TOX: variants seen among roughly 807,000 people sequenced by gnomAD.
TOX encodes the protein thymocyte selection associated high mobility group box, also known as thymocyte selection-associated high mobility group box protein TOX.
TOX carries 11 observed loss-of-function variants against 53.7 expected under a neutral mutation model. That is an observed-to-expected ratio of 0.20 (90% CI 0.13 to 0.34). The LOEUF (loss-of-function observed/expected upper bound fraction) is 0.34, where lower values mean the gene tolerates loss of function less well. TOX is among the 10% of genes least tolerant of loss of function. The probability of loss-of-function intolerance (pLI) is 1.00; values close to 1 mark genes in which losing one functional copy is unlikely to be tolerated. For missense variants in TOX, 570 were observed against 664.6 expected, an observed-to-expected ratio of 0.86 and a Z score of 1.56; for synonymous variants, 225 against 245.3, an observed-to-expected ratio of 0.92 and a Z score of 0.77.
chr8:58,849,899 C>A, intron 4 of TOX, among the ~76,000 whole-genome samples: 1 of 152,090 alleles, frequency 6.6e-6, no homozygotes, highest in East Asian at 1.9e-4. Flanking sequence ...TATTAGTGTT[C>A]ACATTTGGGT....
At chr8:59,104,268 T>G (rs1477182582) in intron 1 of TOX, among the ~76,000 whole-genome samples, 1 of 152,140 alleles carries the variant, frequency 6.6e-6, no homozygotes, top group Non-Finnish European at 1.5e-5. Context: ...TCACGCCCCT[T>G]AATCCTAAAC....
At chr8:59,091,263 A>G (rs1392170509) in intron 1 of TOX, among the ~76,000 whole-genome samples, 2 of 152,154 alleles carry the variant, frequency 1.3e-5, no homozygotes, top group Non-Finnish European at 2.9e-5. Context: ...TAATGTCCAT[A>G]GTGACAAATT....
At chr8:59,047,277 C>A (rs1803707317) in intron 1 of TOX, among the ~76,000 whole-genome samples, 1 of 132,200 alleles carries the variant, frequency 7.6e-6, no homozygotes, top group Non-Finnish European at 1.5e-5. Context: ...AGTGCAGTGG[C>A]ACGATCTCGG....
intron 1 of TOX, among the ~76,000 whole-genome samples, chr8:59,045,548 T>C (rs1221864881): frequency 6.6e-6 from 1 of 152,218 alleles, no homozygotes; most frequent in Non-Finnish European, 1.5e-5. Flanking sequence ...AGATGCATAG[T>C]AGTTTGGTCT....
intron 1 of TOX, among the ~76,000 whole-genome samples, chr8:59,047,181 T>C (rs1261175892): frequency 2.7e-5 from 4 of 150,086 alleles, no homozygotes; most frequent in Admixed American, 2.7e-4. Context: ...TTAGTTTTTA[T>C]TGAACAATTC....
At chr8:59,067,292 C>T (rs947563906) in intron 1 of TOX, among the ~76,000 whole-genome samples, 1 of 152,134 alleles carries the variant, frequency 6.6e-6, no homozygotes, top group Admixed American at 6.5e-5. Flanking sequence ...GGGGGCTCAC[C>T]CCCATAATCC....
chr8:59,067,117 A>AG (rs888477013), intron 1 of TOX, among the ~76,000 whole-genome samples: 1 of 151,994 alleles, frequency 6.6e-6, no homozygotes, highest in African/African-American at 2.4e-5. Context: ...CAAATCCAGA[A>AG]GGGGGGCCGG....
intron 1 of TOX, among the ~76,000 whole-genome samples, chr8:59,104,084 C>T (rs749104529): frequency 1.4e-4 from 22 of 152,194 alleles, no homozygotes; most frequent in Non-Finnish European, 3.1e-4. Context: ...AGATCAATTG[C>T]TGGTCATTCA....
chr8:58,970,802 T>C (rs764801076), intron 1 of TOX, among the ~76,000 whole-genome samples: 35 of 152,266 alleles, frequency 2.3e-4, no homozygotes, highest in Non-Finnish European at 3.5e-4. Flanking sequence ...TCCAGGGCAA[T>C]ACTGTCACAA....
chr8:58,985,596 T>C (rs1813313611), intron 1 of TOX, among the ~76,000 whole-genome samples: 1 of 152,212 alleles, frequency 6.6e-6, no homozygotes, highest in Non-Finnish European at 1.5e-5. Flanking sequence ...ATATATGTAA[T>C]ACACTGAATT....
chr8:58,831,214 T>G (rs530421831), intron 5 of TOX, among the ~76,000 whole-genome samples: 11 of 152,044 alleles, frequency 7.2e-5, no homozygotes, highest in Non-Finnish European at 1.6e-4. Context: ...CGAACCGAGG[T>G]CCTTGCCTGA....
intron 2 of TOX, among the ~76,000 whole-genome samples, chr8:58,943,902 C>A (rs554245749): frequency 6.6e-6 from 1 of 152,286 alleles, no homozygotes; most frequent in East Asian, 1.9e-4. Context: ...TATTTAGGGA[C>A]TACAGGGTGA....
intron 2 of TOX, among the ~76,000 whole-genome samples, chr8:58,957,417 CA>C (rs1011001171): frequency 3.3e-5 from 5 of 151,950 alleles, no homozygotes; most frequent in Admixed American, 6.6e-5. Context: ...CTATCAGTTA[CA>C]AAACTATATG....
At chr8:59,004,153 A>G (rs887247048) in intron 1 of TOX, among the ~76,000 whole-genome samples, 1 of 152,224 alleles carries the variant, frequency 6.6e-6, no homozygotes, top group Admixed American at 6.5e-5. Flanking sequence ...ATCATCAAAG[A>G]GAAAAACAGT....
intron 1 of TOX, among the ~76,000 whole-genome samples, chr8:58,991,535 G>T (rs1031199264): frequency 2.0e-5 from 3 of 152,126 alleles, no homozygotes; most frequent in Non-Finnish European, 4.4e-5. Context: ...GACCATAAAA[G>T]CTAGTTAAAA....
intron 3 of TOX, among the ~76,000 whole-genome samples, chr8:58,897,158 T>C (rs913133139): frequency 6.6e-6 from 1 of 152,184 alleles, no homozygotes; most frequent in Non-Finnish European, 1.5e-5. Flanking sequence ...CAATGGAAAG[T>C]TCTATAAGCA....
rs1352174814 is a variant in TOX at position 58,824,759 on chromosome 8, C to T, written c.1005+2063G>A. On this transcript the variant is annotated intron_variant, in intron 6 of 8. Transcript: ENST00000361421. ...TCCCTTGACGAAAGAGAAAGTTCTT[C>T]AAGTCTAAGGAAAGGATTTCCCTGT... Among the ~76,000 whole-genome samples, 4 of 152,170 alleles carry T rather than the reference C, an allele frequency of 2.6e-5. No homozygotes were observed. The East Asian group carries it at 5.8e-4, about 22-fold the overall frequency.
intron 3 of TOX, among the ~76,000 whole-genome samples, chr8:58,862,409 G>T (rs1811025653): frequency 6.6e-6 from 1 of 151,966 alleles, no homozygotes; most frequent in Non-Finnish European, 1.5e-5. Context: ...CTCATTTATG[G>T]TTTTATAAAC....
intron 1 of TOX, among the ~76,000 whole-genome samples, chr8:59,029,479 T>C (rs572003890): frequency 1.3e-5 from 2 of 152,296 alleles, no homozygotes; most frequent in East Asian, 1.9e-4. Flanking sequence ...AACCCACTAA[T>C]AGCACAATTC....
Sources: allele counts gnomAD v4.1 joint callset (sites outside exome capture counted in the v4.1 genomes callset), GRCh38; gene constraint gnomAD v4.1.1; transcripts MANE v1.5; gene names NCBI Gene and HGNC (gene_info 2026-07-23, HGNC 2026-07-21).